HS3ST3B1: variants seen among roughly 807,000 people sequenced by gnomAD.
HS3ST3B1 encodes heparan sulfate glucosamine 3-O-sulfotransferase 3B1.
Under a neutral mutation model 21.3 loss-of-function variants are expected in HS3ST3B1, and 13 were observed. The ratio of observed to expected loss-of-function variants is 0.61; its 90% CI spans 0.40 to 0.97. HS3ST3B1 has a LOEUF of 0.97. Among genes scored for constraint, HS3ST3B1 ranks in the 50% least tolerant of loss-of-function variants. The pLI is 0.00. For missense variants in HS3ST3B1, 459 were observed against 554.8 expected, an observed-to-expected ratio of 0.83 and a Z score of 1.73; for synonymous variants, 234 against 254.8, an observed-to-expected ratio of 0.92 and a Z score of 0.78.
intron 1 of HS3ST3B1, among the ~76,000 whole-genome samples, chr17:14,311,689 G>C (rs1909309840): frequency 6.6e-6 from 1 of 152,168 alleles, no homozygotes; most frequent in Admixed American, 6.5e-5. Flanking sequence ...CGGTGCACTT[G>C]CTCTTATCAA....
chr17:14,342,650 C>A (rs1413167296), intron 1 of HS3ST3B1, among the ~76,000 whole-genome samples: 1 of 152,110 alleles, frequency 6.6e-6, no homozygotes, highest in African/African-American at 2.4e-5. Context: ...CCTCATTAAA[C>A]TTCCATGAAT....
intron 1 of HS3ST3B1, among the ~76,000 whole-genome samples, chr17:14,340,579 ACT>A (rs1334878052): frequency 6.6e-6 from 1 of 151,144 alleles, no homozygotes; most frequent in Non-Finnish European, 1.5e-5. Context: ...GTGATTAATT[ACT>A]CTTTTCTTTT....
chr17:14,316,187 C>T (rs1431871975), intron 1 of HS3ST3B1, among the ~76,000 whole-genome samples: 1 of 152,188 alleles, frequency 6.6e-6, no homozygotes, highest in Non-Finnish European at 1.5e-5. Context: ...TATTCCTCTC[C>T]CACACATCTC....
In HS3ST3B1 at chr17:14,346,558, C is replaced by G. The variant is rs980000950; in HGVS notation, c.*912C>G. On this transcript the variant is annotated 3_prime_UTR_variant, in exon 2 of 2. Transcript: ENST00000360954. Reference sequence around the variant, plus strand: ...AGCCACTGCGCCCGCTATCCACATCCTTCTAGAGTCAGAATGGTAGGGTCT... The same window carrying G: ...AGCCACTGCGCCCGCTATCCACATCGTTCTAGAGTCAGAATGGTAGGGTCT... 1.3e-5 allele frequency: 2 copies of G among 152,268 alleles called. No individual in the cohort carries two copies. The highest frequency in any genetic ancestry group is 4.8e-5 in the African/African-American group (2 of 41,426). 9.4% of individuals were successfully genotyped at this position (152,268 alleles called of 1,614,324 possible).
chr17:14,345,362 G>C lies in HS3ST3B1; in HGVS notation c.889G>C (p.Gly297Arg). 9.1e-7 allele frequency: 1 copy of C among 1,101,342 alleles called. No homozygotes were observed. Among genetic ancestry groups the C allele is most frequent in the Non-Finnish European group, 1.3e-6 (1 of 764,422 alleles). The allele number at this position is 1,101,342 out of a possible 1,614,324, so 68.2% of individuals were successfully genotyped here. ...CATCCGCCAGATGCTCTTCGTGAGC[G>C]GCGAGCGGCTCATCAGCGACCCGGC... ...FPIRQMLFVS[G>R]ERLISDPAGE... Residue 297 changes from glycine to arginine, a missense_variant, in exon 2 of 2, where the codon GGC becomes CGC. By Grantham distance (125) the Gly-to-Arg change is moderately radical. This residue lies in a region of HS3ST3B1 where 127 missense variants were observed against 209.9 expected (regional missense o/e 0.60). Coordinates refer to ENST00000360954, the MANE Select transcript of HS3ST3B1 (RefSeq NM_006041.3).
chr17:14,316,191 A>C (rs1909492967), intron 1 of HS3ST3B1, among the ~76,000 whole-genome samples: 1 of 152,064 alleles, frequency 6.6e-6, no homozygotes, highest in Non-Finnish European at 1.5e-5. Context: ...CCTCTCCCAC[A>C]CATCTCCCAC....
intron 1 of HS3ST3B1, among the ~76,000 whole-genome samples, chr17:14,313,254 C>A (rs1002135531): frequency 1.3e-5 from 2 of 151,600 alleles, no homozygotes; most frequent in Admixed American, 6.6e-5. Context: ...AGGTGTGAGC[C>A]ACTGAACCTG....
rs1318910749 is a variant in HS3ST3B1 at position 14,347,142 on chromosome 17, A to G, written c.*1496A>G. On this transcript the variant is annotated 3_prime_UTR_variant, in exon 2 of 2. Transcript: ENST00000360954. ...AAGAACTAAGAGTGGCCCTTGCAAAAAAAGGTTGGGAAAGCTGGGCCCATA... is the reference window on the plus strand; with the variant it reads ...AAGAACTAAGAGTGGCCCTTGCAAAGAAAGGTTGGGAAAGCTGGGCCCATA... 6.6e-6 allele frequency: 1 copy of G among 152,202 alleles called. No homozygotes were observed. Among genetic ancestry groups the G allele is most frequent in the Non-Finnish European group, 1.5e-5 (1 of 68,058 alleles). 9.4% of individuals were successfully genotyped at this position (152,202 alleles called of 1,614,324 possible).
intron 1 of HS3ST3B1, among the ~76,000 whole-genome samples, chr17:14,340,545 C>A (rs189726586): frequency 1.3e-5 from 2 of 152,252 alleles, no homozygotes; most frequent in Admixed American, 1.3e-4. Flanking sequence ...TGAATAAAGT[C>A]TTTGCTGCTG....
chr17:14,336,723 G>A (rs1310181565), intron 1 of HS3ST3B1, among the ~76,000 whole-genome samples: 3 of 152,120 alleles, frequency 2.0e-5, no homozygotes, highest in African/African-American at 7.2e-5. Context: ...TGAGCATCCT[G>A]CCTCAATATT....
intron 1 of HS3ST3B1, among the ~76,000 whole-genome samples, chr17:14,306,204 T>C (rs1348200398): frequency 6.6e-6 from 1 of 152,180 alleles, no homozygotes; most frequent in African/African-American, 2.4e-5. Flanking sequence ...ACATCTAACA[T>C]TGGTTAATAA....
intron 1 of HS3ST3B1, chr17:14,328,361 G>T (rs1217283540): frequency 1.3e-5 from 2 of 152,214 alleles, no homozygotes; most frequent in Non-Finnish European, 2.9e-5. Flanking sequence ...ATGAAAAGAT[G>T]AGAATGTAGG....
chr17:14,301,932 G>C lies in HS3ST3B1; in HGVS notation c.414G>C (p.Pro138=), dbSNP rs140336845. 6.2e-7 allele frequency: 1 copy of C among 1,609,602 alleles called. No homozygotes were observed. The highest frequency in any genetic ancestry group is 8.5e-7 in the Non-Finnish European group (1 of 1,178,582). Residue 138 remains proline (P), a synonymous_variant, in exon 1 of 2, where the codon CCG becomes CCC. Coordinates refer to ENST00000360954, the MANE Select transcript of HS3ST3B1 (RefSeq NM_006041.3). ...GTGGGTCTGGGAGCAAGCAGCTGCC[G>C]CAGGCCATCATCATCGGCGTGAAGA... The part of the protein sequence containing the change: ...FFSGSGSKQL[P]QAIIIGVKKG...
intron 1 of HS3ST3B1, among the ~76,000 whole-genome samples, chr17:14,321,480 C>T (rs968381163): frequency 4.6e-5 from 7 of 152,118 alleles, no homozygotes; most frequent in Admixed American, 2.6e-4. Context: ...TTACACACTT[C>T]GTTTATTTAA....
At chr17:14,313,403 A>G (rs1338608274) in intron 1 of HS3ST3B1, among the ~76,000 whole-genome samples, 2 of 151,846 alleles carry the variant, frequency 1.3e-5, no homozygotes, top group South Asian at 2.1e-4. Context: ...ACTTGTATGC[A>G]TTGCTTCTCT....
intron 1 of HS3ST3B1, among the ~76,000 whole-genome samples, chr17:14,319,976 C>T (rs748386339): frequency 6.6e-6 from 1 of 151,694 alleles, no homozygotes; most frequent in Non-Finnish European, 1.5e-5. Flanking sequence ...AATGCTTTTG[C>T]GCAGGAGGGC....
At position 14,303,284 on chromosome 17, in the gene HS3ST3B1, G is replaced by C. The variant is rs1041363702; in HGVS notation, c.554+1212G>C. 6.6e-6 allele frequency among the ~76,000 whole-genome samples: 1 copy of C among 152,176 alleles called. No individual in the cohort carries two copies. Among genetic ancestry groups the C allele is most frequent in the Non-Finnish European group, 1.5e-5 (1 of 68,038 alleles). ...CAAGACTTGGGAAAACAAAAGAGGA[G>C]AAGATAACTGAACCCCTCTCCCTGT... On this transcript the variant is annotated intron_variant, in intron 1 of 1. Transcript: ENST00000360954. This position sits in a 1 kb window ranked among gnomAD's most constrained non-coding sequence, Gnocchi z 5.7.
At chr17:14,305,535 G>A (rs1442126092) in intron 1 of HS3ST3B1, 1 of 152,200 alleles carries the variant, frequency 6.6e-6, no homozygotes, top group East Asian at 1.9e-4. Flanking sequence ...TTACTTAAGT[G>A]TTGGTAGATA....
chr17:14,316,565 G>T (rs1249673168), intron 1 of HS3ST3B1, among the ~76,000 whole-genome samples: 1 of 152,120 alleles, frequency 6.6e-6, no homozygotes, highest in South Asian at 2.1e-4. Flanking sequence ...CCTGTGTGGC[G>T]CTTGTGGTCT....
Sources: gnomAD v4.1 joint callset for allele counts (sites outside exome capture counted in the v4.1 genomes callset) on GRCh38, gnomAD v4.1.1 for gene constraint, gnomAD v4.1.1 regional missense constraint, Gnocchi (gnomAD v3.1) non-coding constraint, MANE v1.5 for transcripts, NCBI Gene and HGNC (gene_info 2026-07-23, HGNC 2026-07-21) for gene names.